The following EPHB1 variants were observed in gnomAD, a reference collection of about 807,000 sequenced individuals.
EPHB1 encodes the protein ephrin type-B receptor 1.
In EPHB1, 30 loss-of-function variants were observed where a neutral mutation model predicts 94.4. That is an observed-to-expected ratio of 0.32 (90% confidence interval 0.24 to 0.43). The LOEUF (loss-of-function observed/expected upper bound fraction) is 0.43. Ranked by LOEUF, EPHB1 falls within the 20% of genes least tolerant of loss-of-function variation. EPHB1 has a pLI of 1.00. For synonymous variants in EPHB1, 522 were observed against 489.1 expected (o/e 1.07, Z -0.89); for missense variants, 1,055 against 1,308.3 (o/e 0.81, Z 2.99).
In EPHB1 at chr3:135,260,002, T is replaced by C. The variant is rs899535175; in HGVS notation, c.*882T>C. ...CTTTCTGGTTGGCCCAATCGGCCTA[T>C]TGGCTCAATGGGAAGAGAGGAGAGG... On this transcript the variant is annotated 3_prime_UTR_variant, in exon 16 of 16. Coordinates refer to ENST00000398015, the MANE Select transcript of EPHB1 (RefSeq NM_004441.5). The C allele has an allele frequency of 3.0e-5, 7 of 232,332 alleles. No individual in the cohort carries two copies. The Admixed American group carries it at 4.0e-4, about 13-fold the overall frequency. The allele number at this position is 232,332 out of a possible 1,614,324, so 14.4% of individuals were successfully genotyped here.
At chr3:135,021,741 A>T (rs1169703839) in intron 3 of EPHB1, among the ~76,000 whole-genome samples, 1 of 152,174 alleles carries the variant, frequency 6.6e-6, no homozygotes, top group Non-Finnish European at 1.5e-5. Context: ...TCTAATTTTA[A>T]TGGGACTGCC....
chr3:134,832,345 C>T (rs2036596106), intron 1 of EPHB1, among the ~76,000 whole-genome samples: 1 of 152,140 alleles, frequency 6.6e-6, no homozygotes, highest in African/African-American at 2.4e-5. Context: ...GGAGCCAAAG[C>T]CAGGCTGGGA....
At chr3:134,927,024 G>A (rs1048283661) in intron 2 of EPHB1, among the ~76,000 whole-genome samples, 2 of 152,196 alleles carry the variant, frequency 1.3e-5, no homozygotes, top group Admixed American at 1.3e-4. Context: ...CATGAAGGGA[G>A]AAGGCAAGAG....
chr3:134,911,984 A>T (rs1337834756), intron 1 of EPHB1, among the ~76,000 whole-genome samples: 1 of 152,194 alleles, frequency 6.6e-6, no homozygotes, highest in Non-Finnish European at 1.5e-5. Flanking sequence ...TGTGCCACAG[A>T]TCAATCAGGA....
At position 135,076,925 on chromosome 3, in the gene EPHB1, T is replaced by C. The variant is rs190281013; in HGVS notation, c.806-29523T>C. Among the ~76,000 whole-genome samples, 3 of 152,146 alleles carry C rather than the reference T, an allele frequency of 2.0e-5. No homozygotes were observed. In the South Asian group the frequency reaches 6.2e-4, roughly 32 times the overall value. On this transcript the variant is annotated intron_variant, in intron 3 of 15. Coordinates refer to ENST00000398015, the MANE Select transcript of EPHB1 (RefSeq NM_004441.5). ...AAGTAGATAAGTGGTTGCCTAGAAT[T>C]AGGGGGTAGGAGCAGTTATGGGGCC...
At chr3:134,811,296 T>A (rs983795654) in intron 1 of EPHB1, among the ~76,000 whole-genome samples, 1 of 133,872 alleles carries the variant, frequency 7.5e-6, no homozygotes, top group African/African-American at 2.6e-5. Flanking sequence ...TGGAGTGCAA[T>A]GGTGCGATCT....
chr3:135,194,249 T>C (rs940912071), intron 11 of EPHB1, among the ~76,000 whole-genome samples: 2 of 151,970 alleles, frequency 1.3e-5, no homozygotes, highest in African/African-American at 4.9e-5. Context: ...GTGTTCATCT[T>C]AGACAGTATA....
At chr3:134,824,662 A>C (rs1278727913) in intron 1 of EPHB1, among the ~76,000 whole-genome samples, 1 of 152,128 alleles carries the variant, frequency 6.6e-6, no homozygotes, top group Admixed American at 6.6e-5. Flanking sequence ...ATGGTCTGGG[A>C]CTTTTAAAGC....
intron 5 of EPHB1, among the ~76,000 whole-genome samples, chr3:135,134,606 A>G (rs1309016579): frequency 4.6e-5 from 7 of 152,218 alleles, no homozygotes; most frequent in Admixed American, 3.3e-4. Context: ...GCTGGTGACC[A>G]CAGTGTTGGT....
chr3:135,230,531 C>G (rs1943509692), intron 12 of EPHB1, among the ~76,000 whole-genome samples: 1 of 152,136 alleles, frequency 6.6e-6, no homozygotes. Context: ...GAGAACACAC[C>G]TGCACCATTA....
chr3:135,122,803 T>C (rs1296278863), intron 4 of EPHB1, among the ~76,000 whole-genome samples: 1 of 152,332 alleles, frequency 6.6e-6, no homozygotes, highest in East Asian at 1.9e-4. Flanking sequence ...AGCACTAGGC[T>C]CTTTGATGCT....
chr3:135,081,547 G>T (rs1406054549), intron 3 of EPHB1, among the ~76,000 whole-genome samples: 1 of 152,148 alleles, frequency 6.6e-6, no homozygotes, highest in Non-Finnish European at 1.5e-5. Context: ...AAACCTGGAG[G>T]TTACTGCAAA....
intron 10 of EPHB1, among the ~76,000 whole-genome samples, chr3:135,192,156 G>A (rs1481638179): frequency 4.6e-5 from 7 of 152,320 alleles, no homozygotes; most frequent in Admixed American, 3.3e-4. Context: ...CATTCAGAGG[G>A]CCAAAGTACC....
chr3:134,842,235 C>G (rs951328770), intron 1 of EPHB1, among the ~76,000 whole-genome samples: 1 of 152,232 alleles, frequency 6.6e-6, no homozygotes, highest in African/African-American at 2.4e-5. Context: ...GTCTCCAAAT[C>G]TGCTGGTGCC....
chr3:134,885,056 T>G (rs574111622), intron 1 of EPHB1, among the ~76,000 whole-genome samples: 2 of 151,988 alleles, frequency 1.3e-5, no homozygotes, highest in South Asian at 4.2e-4. Flanking sequence ...TGCAAAGAAT[T>G]TCTTCTGCTT....
intron 1 of EPHB1, among the ~76,000 whole-genome samples, chr3:134,808,666 G>C (rs2036113820): frequency 1.3e-5 from 2 of 152,164 alleles, no homozygotes; most frequent in Non-Finnish European, 2.9e-5. Flanking sequence ...GAAAAGATGG[G>C]GAAACAGAAA....
chr3:135,065,915 T>C (rs1316434796), intron 3 of EPHB1, among the ~76,000 whole-genome samples: 1 of 152,210 alleles, frequency 6.6e-6, no homozygotes, highest in Non-Finnish European at 1.5e-5. Flanking sequence ...TCTCTCAGCA[T>C]TTGTTTGTCT....
At chr3:134,846,062 G>C (rs2036866295) in intron 1 of EPHB1, among the ~76,000 whole-genome samples, 1 of 152,194 alleles carries the variant, frequency 6.6e-6, no homozygotes, top group Non-Finnish European at 1.5e-5. Flanking sequence ...CTGCCAGCCT[G>C]TGCTTGGGAG....
At chr3:134,816,005 G>A (rs1189452889) in intron 1 of EPHB1, among the ~76,000 whole-genome samples, 1 of 64,572 alleles carries the variant, frequency 1.5e-5, no homozygotes, top group African/African-American at 5.6e-5. Flanking sequence ...GGTAAATGCT[G>A]GGGCCACACG....
Sources: allele counts gnomAD v4.1 joint callset (sites outside exome capture counted in the v4.1 genomes callset), GRCh38; gene constraint gnomAD v4.1.1; transcripts MANE v1.5; gene names NCBI Gene and HGNC (gene_info 2026-07-23, HGNC 2026-07-21).